SAXO5: variants seen among roughly 807,000 people sequenced by gnomAD.
SAXO5 encodes testis expressed 45.
the SAXO5 span, chr19:7,504,319 C>T: frequency 8.7e-6 from 14 of 1,614,074 alleles, no homozygotes; most frequent in Admixed American, 1.7e-5. Context: ...AGGCCTCCTC[C>T]GGAGTGGAGC....
the SAXO5 span, among the ~76,000 whole-genome samples, chr19:7,503,019 C>T: frequency 6.6e-6 from 1 of 152,164 alleles, no homozygotes; most frequent in African/African-American, 2.4e-5. Flanking sequence ...AGTTGCTTAA[C>T]CTCTCTGAGC....
chr19:7,505,686 A>G, the SAXO5 span: 39 of 1,498,286 alleles, frequency 2.6e-5, no homozygotes, highest in East Asian at 1.6e-4. Flanking sequence ...AGCAAATAGC[A>G]GGTGCAGAAG....
the SAXO5 span, among the ~76,000 whole-genome samples, chr19:7,504,973 C>CTTCTTTTTTTTT: frequency 6.1e-5 from 9 of 146,566 alleles, no homozygotes; most frequent in African/African-American, 2.1e-4. Context: ...GCTTCTTCTT[C>CTTCTTTTTTTTT]TTCTTTTTTT....
the SAXO5 span, chr19:7,506,943 A>G: frequency 5.0e-6 from 4 of 798,246 alleles, no homozygotes; most frequent in Non-Finnish European, 8.4e-6. Flanking sequence ...CCCCTGGTCA[A>G]CTTCAGCGCT....
chr19:7,505,710 G>C, the SAXO5 span: 2 of 1,351,032 alleles, frequency 1.5e-6, no homozygotes, highest in Non-Finnish European at 2.1e-6. Context: ...CAAAGTGGGA[G>C]TGAGCTTGAT....
At chr19:7,498,824 T>C in the SAXO5 span, 1 of 152,338 alleles carries the variant, frequency 6.6e-6, no homozygotes. Context: ...GAGGAGAGCA[T>C]GGGAGACACT....
At chr19:7,506,965 G>A in the SAXO5 span, 14 of 1,028,864 alleles carry the variant, frequency 1.4e-5, no homozygotes, top group Non-Finnish European at 1.8e-5. Flanking sequence ...GCCTGGGCTT[G>A]GCTCTTGAAC....
chr19:7,502,236 G>T, the SAXO5 span, among the ~76,000 whole-genome samples: 59 of 152,196 alleles, frequency 3.9e-4, no homozygotes, highest in African/African-American at 1.4e-3. Flanking sequence ...CTCCCAGGCA[G>T]CTGGGACTGC....
chr19:7,505,736 T>C, the SAXO5 span: 2 of 1,117,944 alleles, frequency 1.8e-6, no homozygotes, highest in Non-Finnish European at 2.6e-6. Context: ...TGCAGGAATC[T>C]CCTGGATGTA....
the SAXO5 span, chr19:7,506,334 C>A: frequency 2.9e-6 from 2 of 688,328 alleles, no homozygotes; most frequent in African/African-American, 3.6e-5. Flanking sequence ...CTGGCCCCGC[C>A]CCTAACCAGC....
At chr19:7,505,263 G>A in the SAXO5 span, 1 of 1,515,452 alleles carries the variant, frequency 6.6e-7, no homozygotes, top group South Asian at 1.1e-5. Context: ...GATTACAGGG[G>A]TGGGCCACCA....
the SAXO5 span, chr19:7,500,927 C>G: frequency 6.3e-7 from 1 of 1,583,762 alleles, no homozygotes; most frequent in Non-Finnish European, 8.5e-7. Flanking sequence ...TGCGGCTGCA[C>G]GAGGGCACCA....
chr19:7,501,046 G>C, the SAXO5 span: 11,125 of 1,514,892 alleles, frequency 7.3e-3, 76 homozygotes, highest in South Asian at 0.019. Flanking sequence ...CGCTGGGACC[G>C]GGAAGAGCGC....
At chr19:7,502,554 A>G in the SAXO5 span, among the ~76,000 whole-genome samples, 1 of 152,176 alleles carries the variant, frequency 6.6e-6, no homozygotes, top group African/African-American at 2.4e-5. Context: ...CACCTTGAGC[A>G]TCAGTTTCAG....
chr19:7,506,465 C>G, the SAXO5 span: 282 of 464,532 alleles, frequency 6.1e-4, 1 homozygote, highest in Admixed American at 9.5e-4. Context: ...CTTCATAACT[C>G]CATCCTTCTG....
At chr19:7,504,366 C>T in the SAXO5 span, 55 of 1,613,978 alleles carry the variant, frequency 3.4e-5, no homozygotes, top group South Asian at 4.2e-4. Flanking sequence ...TCAACGTGTT[C>T]GGAGCAGAAA....
chr19:7,505,555 CACATCCTG>C, the SAXO5 span: 11 of 1,614,186 alleles, frequency 6.8e-6, no homozygotes, highest in Non-Finnish European at 9.3e-6. Context: ...TCCGGAGTCG[CACATCCTG>C]AAAGGAAATT....
At chr19:7,500,692 A>C in the SAXO5 span, 29 of 826,914 alleles carry the variant, frequency 3.5e-5, no homozygotes, top group Non-Finnish European at 4.5e-5. Flanking sequence ...CCTCCAGCTC[A>C]GTGCTTGGCG....
chr19:7,506,354 C>A, the SAXO5 span: 1 of 667,384 alleles, frequency 1.5e-6, no homozygotes, highest in East Asian at 2.8e-5. Context: ...CCCTCCCCTC[C>A]CCCGGCTTCA....
Sources: allele counts gnomAD v4.1 joint callset (sites outside exome capture counted in the v4.1 genomes callset), GRCh38; gene constraint gnomAD v4.1.1; transcripts MANE v1.5; gene names NCBI Gene and HGNC (gene_info 2026-07-23, HGNC 2026-07-21).